UHRF1: variants seen among roughly 807,000 people sequenced by gnomAD.
UHRF1 encodes the protein E3 ubiquitin-protein ligase UHRF1.
Under a neutral mutation model 96.5 loss-of-function variants are expected in UHRF1, and 9 were observed. The ratio of observed to expected loss-of-function variants is 0.09; its 90% CI spans 0.06 to 0.16. The LOEUF is 0.16. Among genes scored for constraint, UHRF1 ranks in the 10% least tolerant of loss-of-function variants. The pLI, the probability that UHRF1 is intolerant of heterozygous loss-of-function variation, is 1.00. For synonymous variants in UHRF1, 455 were observed against 469.9 expected, an observed-to-expected ratio of 0.97 and a Z score of 0.41; for missense variants, 626 against 1,131.1, an observed-to-expected ratio of 0.55 and a Z score of 6.40.
At chr19:4,918,075 A>G (rs2032582482) in intron 2 of UHRF1, among the ~76,000 whole-genome samples, 1 of 152,058 alleles carries the variant, frequency 6.6e-6, no homozygotes, top group Non-Finnish European at 1.5e-5. Context: ...GTCTGCTTCC[A>G]GAAGTGCTTG....
At chr19:4,938,729 GGTTTTT>G (rs2033289653) in intron 5 of UHRF1, among the ~76,000 whole-genome samples, 1 of 73,914 alleles carries the variant, frequency 1.4e-5, no homozygotes, top group African/African-American at 5.7e-5. Flanking sequence ...GTTTTGGTCA[GGTTTTT>G]TTTTTTTTTT....
chr19:4,924,696 C>T (rs891004029), intron 2 of UHRF1, among the ~76,000 whole-genome samples: 4 of 152,114 alleles, frequency 2.6e-5, no homozygotes, highest in Non-Finnish European at 5.9e-5. Flanking sequence ...CAGGCATAGC[C>T]GCCCCCACTG....
chr19:4,915,005 G>A (rs992532993), intron 2 of UHRF1, among the ~76,000 whole-genome samples: 3 of 152,182 alleles, frequency 2.0e-5, no homozygotes, highest in Non-Finnish European at 2.9e-5. Flanking sequence ...TGCAGGGTGC[G>A]GAGCAGCGTC....
chr19:4,904,380 C>T (rs1278175473), intron 1 of UHRF1, among the ~76,000 whole-genome samples: 1 of 152,154 alleles, frequency 6.6e-6, no homozygotes, highest in East Asian at 1.9e-4. Flanking sequence ...GGGGTTTCAT[C>T]ATGTTAGCCA....
rs1018954555 is a variant in UHRF1, at chr19:4,941,778, A to G, written c.920A>G (p.Asp307Gly). ...GGGCCGTCCTGCAAGCACTGCAAGG[A>G]CGACGTGAACAGACTCTGCCGGGTC... Reference protein sequence around the residue: ...KSGPSCKHCKDDVNRLCRVCA... With the variant: ...KSGPSCKHCKGDVNRLCRVCA... The change falls in exon 7 of 17, where the codon GAC becomes GGC. Residue 307 changes from aspartate (D) to glycine (G), a missense_variant. Physicochemically the swap from Asp to Gly is moderately conservative, Grantham distance 94. Transcript: ENST00000650932. 3.2e-6 allele frequency: 5 copies of G among 1,565,678 alleles called. No individual in the cohort carries two copies. The highest frequency in any genetic ancestry group is 3.5e-6 in the Non-Finnish European group (4 of 1,155,814).
intron 11 of UHRF1, among the ~76,000 whole-genome samples, chr19:4,948,298 C>T (rs1345246875): frequency 1.3e-5 from 2 of 151,968 alleles, no homozygotes; most frequent in Non-Finnish European, 2.9e-5. Flanking sequence ...TTGCTTGGCC[C>T]CTGATTACAG....
At chr19:4,951,121 C>T (rs2033706981) in intron 13 of UHRF1, 125 bp downstream of exon 13, 4 of 1,312,532 alleles carry the variant, frequency 3.0e-6, no homozygotes, top group Non-Finnish European at 4.0e-6. Flanking sequence ...CAAAAATTAG[C>T]TGGGTATGGT....
chr19:4,941,577 A>C lies in UHRF1; in HGVS notation c.835A>C (p.Lys279Gln), dbSNP rs1294064248. ...CRIIFVDEVF[K>Q]IERPGEGSPM... The stretch of plus-strand genomic sequence containing the variant: ...GATCATCTTCGTGGACGAAGTCTTC[A>C]AGATTGAGCGGCCGGGTGAAGGGAG... The change falls in exon 6 of 17, where the codon AAG becomes CAG. Residue 279 changes from lysine (K) to glutamine (Q), a missense_variant. Lys to Gln is a moderately conservative substitution (Grantham distance 53). Coordinates refer to ENST00000650932, the MANE Select transcript of UHRF1 (RefSeq NM_001048201.3). The C allele has an allele frequency of 6.2e-7, 1 of 1,613,706 alleles. No homozygotes were observed. Among genetic ancestry groups the C allele is most frequent in the Non-Finnish European group, 8.5e-7 (1 of 1,179,830 alleles).
intron 2 of UHRF1, among the ~76,000 whole-genome samples, chr19:4,913,919 C>T (rs1355332236): frequency 6.9e-6 from 1 of 145,704 alleles, no homozygotes; most frequent in Non-Finnish European, 1.5e-5. Flanking sequence ...TCCAGCGATT[C>T]TTCTGCCTCA....
intron 4 of UHRF1, among the ~76,000 whole-genome samples, chr19:4,931,508 C>T (rs971329787): frequency 1.3e-5 from 2 of 151,882 alleles, no homozygotes; most frequent in Non-Finnish European, 2.9e-5. Flanking sequence ...TACTCTGTCA[C>T]TCAGGCTAGA....
chr19:4,953,108 C>G (rs1420409903), intron 13 of UHRF1, among the ~76,000 whole-genome samples: 1 of 152,144 alleles, frequency 6.6e-6, no homozygotes, highest in Non-Finnish European at 1.5e-5. Flanking sequence ...AATGCGCTTA[C>G]CCCGACCCTG....
At chr19:4,909,362 A>G (rs2032153911), upstream of UHRF1, 2 of 611,504 alleles carry the variant, frequency 3.3e-6, no homozygotes, top group East Asian at 3.3e-5. Context: ...GGCGCCGTGG[A>G]CAGAGGCGGG....
chr19:4,935,341 C>T (rs1019601575), intron 5 of UHRF1, among the ~76,000 whole-genome samples: 6 of 152,168 alleles, frequency 3.9e-5, no homozygotes, highest in African/African-American at 1.4e-4. Flanking sequence ...TGCCTGTGCT[C>T]GTTCACCTTC....
chr19:4,948,043 G>T (rs1041828648), intron 11 of UHRF1, among the ~76,000 whole-genome samples: 1 of 149,692 alleles, frequency 6.7e-6, no homozygotes, highest in Non-Finnish European at 1.5e-5. Context: ...GGTTGAGGCC[G>T]CAGTGGGCTG....
upstream of UHRF1, among the ~76,000 whole-genome samples, chr19:4,905,207 C>T (rs1239638281): frequency 2.7e-5 from 4 of 147,756 alleles, no homozygotes; most frequent in Non-Finnish European, 5.9e-5. Flanking sequence ...AGCTCTGCCT[C>T]CCAGGTTCAC....
rs142103470 is a variant in UHRF1 at position 4,915,967 on chromosome 19, G to A, written c.153+4929G>A. On this transcript the variant is annotated intron_variant, in intron 2 of 16. Transcript: ENST00000650932. ...TTACATCATCCAGAATGATCCAATA[G>A]CCCCAGGAGCCTGTGTCTGTGTGGA... Among the ~76,000 whole-genome samples, 8 of 152,254 alleles carry A rather than the reference G, an allele frequency of 5.3e-5. No homozygotes were observed. In the East Asian group the frequency reaches 1.5e-3, roughly 29 times the overall value.
rs569466645 is a variant in UHRF1, at chr19:4,932,314, C to T, written c.570-427C>T. Among the ~76,000 whole-genome samples the T allele has an allele frequency of 5.3e-5, 8 of 151,594 alleles. No individual in the cohort carries two copies. In the South Asian group the frequency reaches 8.4e-4, roughly 16 times the overall value. ...AACTCCTGACCTCAGGTGATCTTCC[C>T]GCTTCGGCCTCCCAAAGTGCTGGGA... On this transcript the variant is annotated intron_variant, in intron 4 of 16. Transcript: ENST00000650932.
chr19:4,915,688 C>T (rs1008289837), intron 2 of UHRF1, among the ~76,000 whole-genome samples: 1 of 151,664 alleles, frequency 6.6e-6, no homozygotes, highest in Non-Finnish European at 1.5e-5. Context: ...CCAGCCTGGG[C>T]GACAGAGCAA....
chr19:4,903,998 G>A (rs778324223), intron 1 of UHRF1, among the ~76,000 whole-genome samples: 12 of 150,704 alleles, frequency 8.0e-5, no homozygotes, highest in Non-Finnish European at 1.3e-4. Flanking sequence ...TTTTTTTGAG[G>A]TGGAATCTCA....
Sources: gnomAD v4.1 joint callset for allele counts (sites outside exome capture counted in the v4.1 genomes callset) on GRCh38, gnomAD v4.1.1 for gene constraint, MANE v1.5 for transcripts, NCBI Gene and HGNC (gene_info 2026-07-23, HGNC 2026-07-21) for gene names.